Variants in ANO4 observed in about 807,000 individuals in gnomAD.
ANO4 encodes anoctamin-4.
ANO4 carries 69 observed loss-of-function variants against 141.9 expected under a neutral mutation model. That is an observed-to-expected ratio of 0.49 (90% confidence interval 0.40 to 0.59). The LOEUF (loss-of-function observed/expected upper bound fraction) is 0.59. ANO4 is among the 20% of genes least tolerant of loss of function. The probability of loss-of-function intolerance (pLI) is 0.00; values close to 1 mark genes in which losing one functional copy is unlikely to be tolerated. For synonymous variants in ANO4, 350 were observed against 394.3 expected (o/e 0.89, Z 1.33); for missense variants, 894 against 1,162.2 (o/e 0.77, Z 3.36).
chr12:100,867,340 A>G (rs901103513), intron 1 of ANO4, among the ~76,000 whole-genome samples: 10 of 152,164 alleles, frequency 6.6e-5, no homozygotes, highest in Admixed American at 1.3e-4. Context: ...CACCAGTGGT[A>G]TATTTTCAGT....
chr12:101,019,196 CTTTATAA>C, intron 8 of ANO4, among the ~76,000 whole-genome samples: 1 of 152,188 alleles, frequency 6.6e-6, no homozygotes, highest in African/African-American at 2.4e-5. Flanking sequence ...GGTTGATAAA[CTTTATAA>C]TTTATGAAGG....
intron 8 of ANO4, among the ~76,000 whole-genome samples, chr12:101,016,305 A>G (rs34733479): frequency 0.3 from 45,348 of 152,042 alleles, 7,468 homozygotes; most frequent in Non-Finnish European, 0.38. Flanking sequence ...GAGAGCAAGC[A>G]TGTCAGATGG....
intron 1 of ANO4, among the ~76,000 whole-genome samples, chr12:100,841,151 G>A (rs2037225381): frequency 6.6e-6 from 1 of 152,052 alleles, no homozygotes; most frequent in Admixed American, 6.6e-5. Flanking sequence ...ATATTATGAT[G>A]GTAAATACAC....
intron 3 of ANO4, among the ~76,000 whole-genome samples, chr12:100,787,492 C>T (rs554625022): frequency 6.6e-6 from 1 of 152,130 alleles, no homozygotes; most frequent in African/African-American, 2.4e-5. Flanking sequence ...ATCCTGCACA[C>T]AGTAAGACGC....
chr12:101,041,963 A>C (rs2047427151), intron 11 of ANO4, among the ~76,000 whole-genome samples: 8 of 152,150 alleles, frequency 5.3e-5, no homozygotes, highest in Admixed American at 4.6e-4. Context: ...CTTCCACCAT[A>C]TCTCTCGAAT....
chr12:100,875,848 A>G (rs1460084937), intron 1 of ANO4, among the ~76,000 whole-genome samples: 2 of 149,980 alleles, frequency 1.3e-5, no homozygotes, highest in African/African-American at 4.9e-5. Flanking sequence ...TAGAGAGGTC[A>G]TTTTGTGGGT....
chr12:101,045,122 T>G (rs1436610230), intron 13 of ANO4, among the ~76,000 whole-genome samples: 1 of 152,242 alleles, frequency 6.6e-6, no homozygotes, highest in Non-Finnish European at 1.5e-5. Flanking sequence ...GGGCTTATTT[T>G]GGGAGTTATT....
At chr12:100,901,325 T>G (rs2040582576) in intron 1 of ANO4, among the ~76,000 whole-genome samples, 1 of 152,284 alleles carries the variant, frequency 6.6e-6, no homozygotes, top group South Asian at 2.1e-4. Context: ...GTGGAGAAAG[T>G]TCTTGATTTT....
intron 1 of ANO4, among the ~76,000 whole-genome samples, chr12:100,896,037 G>A (rs751847526): frequency 2.6e-5 from 4 of 152,074 alleles, no homozygotes; most frequent in Non-Finnish European, 5.9e-5. Context: ...ATGGAGATAA[G>A]GAGTGCATAA....
At chr12:100,851,449 A>G (rs1007676593) in intron 1 of ANO4, among the ~76,000 whole-genome samples, 5 of 152,172 alleles carry the variant, frequency 3.3e-5, no homozygotes, top group Non-Finnish European at 4.4e-5. Flanking sequence ...CAATGGTCAC[A>G]GATATTTTCT....
At chr12:100,752,847 A>G (rs1309528855) in intron 3 of ANO4, among the ~76,000 whole-genome samples, 2 of 152,190 alleles carry the variant, frequency 1.3e-5, no homozygotes, top group African/African-American at 4.8e-5. Flanking sequence ...ATACTGAATA[A>G]CAAACAACCC....
intron 2 of ANO4, among the ~76,000 whole-genome samples, chr12:100,903,191 G>GTAGT (rs2040676261): frequency 6.6e-6 from 1 of 152,138 alleles, no homozygotes; most frequent in Non-Finnish European, 1.5e-5. Context: ...TTATCACAAT[G>GTAGT]TAGTGGATGC....
chr12:100,841,161 C>G (rs1433675947), intron 1 of ANO4, among the ~76,000 whole-genome samples: 2 of 152,126 alleles, frequency 1.3e-5, no homozygotes, highest in African/African-American at 4.8e-5. Context: ...GGTAAATACA[C>G]TTGGGAAATT....
intron 1 of ANO4, among the ~76,000 whole-genome samples, chr12:100,849,734 T>C (rs1404122411): frequency 6.6e-6 from 1 of 152,228 alleles, no homozygotes; most frequent in African/African-American, 2.4e-5. Context: ...CACATGTATA[T>C]GTAGGAAAAT....
intron 24 of ANO4, 66 bp from the exon 25 acceptor site, chr12:101,116,613 C>T: frequency 6.2e-7 from 1 of 1,609,960 alleles, no homozygotes; most frequent in Admixed American, 1.7e-5. Flanking sequence ...GAAGCAGGGT[C>T]TTCAGGGAAC....
At chr12:101,020,645 G>A (rs368369807) in intron 9 of ANO4, among the ~76,000 whole-genome samples, 1 of 152,130 alleles carries the variant, frequency 6.6e-6, no homozygotes. Flanking sequence ...TGGGAAGATC[G>A]AGGGGTAGGG....
In ANO4 at chr12:101,127,795, T is replaced by A. The variant is rs117273302; in HGVS notation, c.*5-66T>A. ...TTTGGTGCATGGTAAGTACAAACTA[T>A]TGCACCTCATGTTTTAAAGCAATTG... On this transcript the variant is annotated intron_variant, in intron 27 of 27. Coordinates refer to ENST00000392977, the MANE Select transcript of ANO4 (RefSeq NM_001286615.2). 2.2e-3 allele frequency: 343 copies of A among 152,816 alleles called. 2 individuals are homozygous for A. Among genetic ancestry groups the A allele is most frequent in the East Asian group, 7.3e-3 (38 of 5,190 alleles). The allele number at this position is 152,816 out of a possible 1,614,324, so 9.5% of individuals were successfully genotyped here.
chr12:101,020,288 G>T, intron 9 of ANO4, 148 bp downstream of exon 9: 1 of 606,920 alleles, frequency 1.6e-6, no homozygotes, highest in Non-Finnish European at 2.9e-6. Context: ...ATTCACAAGT[G>T]TAAAATCTTC....
At chr12:100,769,908 G>C (rs937066097) in intron 3 of ANO4, among the ~76,000 whole-genome samples, 1 of 151,858 alleles carries the variant, frequency 6.6e-6, no homozygotes, top group Non-Finnish European at 1.5e-5. Flanking sequence ...ATTTTATTGA[G>C]TACTATTTGA....
Sources: gnomAD v4.1 joint callset for allele counts (sites outside exome capture counted in the v4.1 genomes callset) on GRCh38, gnomAD v4.1.1 for gene constraint, MANE v1.5 for transcripts, NCBI Gene and HGNC (gene_info 2026-07-23, HGNC 2026-07-21) for gene names.